Variants in RALGPS1 observed in about 807,000 individuals in gnomAD.
The protein encoded by RALGPS1 is Ral GEF with PH domain and SH3 binding motif 1.
A neutral mutation model predicts 78.8 loss-of-function variants in RALGPS1; 19 were observed. The observed-to-expected ratio is 0.24, with a 90% confidence interval of 0.17 to 0.35. RALGPS1 has a LOEUF of 0.35. Ranked by LOEUF, RALGPS1 falls within the 10% of genes least tolerant of loss-of-function variation. The pLI, the probability that RALGPS1 is intolerant of heterozygous loss-of-function variation, is 1.00. For missense variants in RALGPS1, 454 were observed against 688.3 expected (o/e 0.66, Z 3.81); for synonymous variants, 228 against 256.3 (o/e 0.89, Z 1.06).
At chr9:127,147,175 T>G (rs1423882760) in intron 8 of RALGPS1, among the ~76,000 whole-genome samples, 2 of 152,232 alleles carry the variant, frequency 1.3e-5, no homozygotes, top group South Asian at 2.1e-4. Flanking sequence ...TTGTATGTCT[T>G]CTTTTGAGAA....
chr9:127,058,361 A>G (rs905580066), intron 7 of RALGPS1, among the ~76,000 whole-genome samples: 1 of 152,052 alleles, frequency 6.6e-6, no homozygotes, highest in African/African-American at 2.4e-5. Context: ...TTGTGTTTTT[A>G]ATTACTGTTG....
chr9:126,975,564 A>C (rs955697002), intron 3 of RALGPS1, among the ~76,000 whole-genome samples: 1 of 152,164 alleles, frequency 6.6e-6, no homozygotes, highest in African/African-American at 2.4e-5. Flanking sequence ...CTGTCTTTAC[A>C]AGGCCTTTCT....
At chr9:127,088,723 AG>A (rs1168796694) in intron 8 of RALGPS1, 82 of 600,008 alleles carry the variant, frequency 1.4e-4, no homozygotes, top group Non-Finnish European at 1.9e-4. Flanking sequence ...TGGAGACATG[AG>A]GGGCTGTCTG....
chr9:127,166,243 G>A (rs550854311), intron 9 of RALGPS1, 37 bp downstream of exon 9: 34 of 1,607,096 alleles, frequency 2.1e-5, no homozygotes, highest in South Asian at 7.9e-5. Context: ...GAAATCTTAC[G>A]TCATTGAAAT....
chr9:126,995,047 GAAC>G (rs1264586424), intron 4 of RALGPS1, among the ~76,000 whole-genome samples: 3 of 152,142 alleles, frequency 2.0e-5, no homozygotes, highest in Non-Finnish European at 2.9e-5. Flanking sequence ...ACATGGAAAG[GAAC>G]AACAAGTACC....
intron 4 of RALGPS1, among the ~76,000 whole-genome samples, chr9:127,030,190 G>A (rs1405729253): frequency 6.6e-6 from 1 of 152,176 alleles, no homozygotes; most frequent in African/African-American, 2.4e-5. Flanking sequence ...GAGGCACCTG[G>A]CTATCTTGGA....
chr9:127,145,321 A>G (rs939571427), intron 8 of RALGPS1, among the ~76,000 whole-genome samples: 3 of 152,192 alleles, frequency 2.0e-5, no homozygotes, highest in Non-Finnish European at 4.4e-5. Context: ...GAGAAACTCC[A>G]GGCCACAGCG....
At chr9:127,075,373 A>T (rs1194814010) in intron 8 of RALGPS1, among the ~76,000 whole-genome samples, 1 of 152,224 alleles carries the variant, frequency 6.6e-6, no homozygotes, top group Non-Finnish European at 1.5e-5. Flanking sequence ...ATGAGGGTTT[A>T]CCATGGGGTG....
At chr9:126,953,390 T>TGC (rs1000962230) in intron 1 of RALGPS1, among the ~76,000 whole-genome samples, 28 of 151,740 alleles carry the variant, frequency 1.8e-4, no homozygotes, top group East Asian at 1.2e-3. Context: ...TGTGTGTGTG[T>TGC]GCGCGTGTGT....
chr9:127,159,015 G>A (rs544277583), intron 8 of RALGPS1, among the ~76,000 whole-genome samples: 1 of 152,020 alleles, frequency 6.6e-6, no homozygotes, highest in African/African-American at 2.4e-5. Flanking sequence ...TTCCAAAATA[G>A]GTAGTGGGTG....
intron 7 of RALGPS1, among the ~76,000 whole-genome samples, chr9:127,062,241 G>A (rs1015140490): frequency 2.6e-5 from 4 of 152,032 alleles, no homozygotes; most frequent in Admixed American, 6.6e-5. Flanking sequence ...GGGACTACAG[G>A]CGCCCACCAC....
intron 8 of RALGPS1, among the ~76,000 whole-genome samples, chr9:127,102,455 G>C (rs1227907342): frequency 6.6e-6 from 1 of 152,012 alleles, no homozygotes; most frequent in Non-Finnish European, 1.5e-5. Context: ...GATCTCTAGG[G>C]TTTTCTAGAT....
chr9:127,069,323 A>G lies in RALGPS1; in HGVS notation c.577A>G (p.Ser193Gly). Reference protein sequence around the residue: ...NYKRTREYIRSLKMVPSIPYL... With the variant: ...NYKRTREYIRGLKMVPSIPYL... ...CAAGCGGACACGGGAATATATCCGA[A>G]GCCTGAAGATGGTTCCAAGTATTCC... Residue 193 changes from serine to glycine, a missense_variant, in exon 8 of 19, where the codon AGC becomes GGC. Coordinates refer to ENST00000259351, the MANE Select transcript of RALGPS1 (RefSeq NM_014636.3). 1 of 1,614,102 alleles carries G rather than the reference A, an allele frequency of 6.2e-7. No homozygotes were observed. The highest frequency in any genetic ancestry group is 8.5e-7 in the Non-Finnish European group (1 of 1,179,922).
At position 127,220,494 on chromosome 9, in the gene RALGPS1, T is replaced by C. The variant is rs1239399101; in HGVS notation, c.*1725T>C. On this transcript the variant is annotated 3_prime_UTR_variant, in exon 19 of 19. Coordinates refer to ENST00000259351, the MANE Select transcript of RALGPS1 (RefSeq NM_014636.3). ...TTTTTGAGCAAAGACTAGAATACTT[T>C]CCTCCTAAGAGAAACTCCCAGGTGA... The C allele has an allele frequency of 6.6e-6, 1 of 152,198 alleles. No homozygotes were observed. The highest frequency in any genetic ancestry group is 1.5e-5 in the Non-Finnish European group (1 of 68,044). 9.4% of individuals were successfully genotyped at this position (152,198 alleles called of 1,614,324 possible).
chr9:127,038,332 CTG>C (rs1229632533), intron 5 of RALGPS1, among the ~76,000 whole-genome samples: 2 of 152,318 alleles, frequency 1.3e-5, no homozygotes, highest in East Asian at 3.9e-4. Context: ...GATAAAGAAA[CTG>C]AGGCTCTGCA....
At chr9:127,057,223 C>G (rs537801626) in intron 7 of RALGPS1, among the ~76,000 whole-genome samples, 1 of 152,160 alleles carries the variant, frequency 6.6e-6, no homozygotes, top group South Asian at 2.1e-4. Context: ...AAATAGACAC[C>G]TACACTGCTT....
intron 4 of RALGPS1, among the ~76,000 whole-genome samples, chr9:127,000,375 G>A (rs988543540): frequency 2.0e-5 from 3 of 151,852 alleles, no homozygotes; most frequent in East Asian, 1.9e-4. Flanking sequence ...GCTCCCACGC[G>A]TTTTGATATT....
intron 14 of RALGPS1, among the ~76,000 whole-genome samples, chr9:127,201,368 T>G (rs1424354927): frequency 6.6e-6 from 1 of 152,150 alleles, no homozygotes; most frequent in African/African-American, 2.4e-5. Context: ...GCCACCTGCT[T>G]TGGAGGATGC....
rs572237899 is a variant in RALGPS1 at position 127,059,969 on chromosome 9, A to G, written c.483+7030A>G. Among the ~76,000 whole-genome samples, 11 of 152,268 alleles carry G rather than the reference A, an allele frequency of 7.2e-5. No individual in the cohort carries two copies. In the South Asian group the frequency reaches 2.1e-3, roughly 29 times the overall value. On this transcript the variant is annotated intron_variant, in intron 7 of 18. Coordinates refer to ENST00000259351, the MANE Select transcript of RALGPS1 (RefSeq NM_014636.3). ...AACCAAATTAAAAAACCAACAAGCA[A>G]AGCTAAATTAGAAGCCAAGAAAGGG...
Sources: gnomAD v4.1 joint callset for allele counts (sites outside exome capture counted in the v4.1 genomes callset) on GRCh38, gnomAD v4.1.1 for gene constraint, MANE v1.5 for transcripts, NCBI Gene and HGNC (gene_info 2026-07-23, HGNC 2026-07-21) for gene names.